Variants in ZNF92 observed in about 807,000 individuals in gnomAD.
ZNF92 encodes epididymis luminal protein 203.
A neutral mutation model predicts 12.4 loss-of-function variants in ZNF92; 11 were observed. The observed-to-expected ratio is 0.89, with a 90% CI of 0.56 to 1.47. The LOEUF is 1.47. Among genes scored for constraint, ZNF92 ranks in the 40% most tolerant of loss-of-function variants. ZNF92 has a pLI of 0.00. For missense variants in ZNF92, 622 were observed against 681.0 expected (o/e 0.91, Z 0.96); for synonymous variants, 206 against 228.6 (o/e 0.90, Z 0.89).
At chr7:65,396,717 G>GT (rs1353770418) in intron 3 of ZNF92, among the ~76,000 whole-genome samples, 1 of 151,964 alleles carries the variant, frequency 6.6e-6, no homozygotes, top group Non-Finnish European at 1.5e-5. Context: ...GTCTCACTAT[G>GT]TTGCTCAGGC....
intron 3 of ZNF92, among the ~76,000 whole-genome samples, chr7:65,391,544 C>A (rs567529620): frequency 6.6e-6 from 1 of 152,172 alleles, no homozygotes; most frequent in East Asian, 1.9e-4. Flanking sequence ...TTTTCACCCA[C>A]TTTTTAGCCT....
intron 3 of ZNF92, among the ~76,000 whole-genome samples, chr7:65,394,592 G>T (rs1304775404): frequency 6.6e-6 from 1 of 152,094 alleles, no homozygotes; most frequent in Non-Finnish European, 1.5e-5. Flanking sequence ...TTTTTATAGA[G>T]ATTATGTTGA....
intron 3 of ZNF92, 82 bp downstream of exon 3, chr7:65,388,983 G>C: frequency 2.4e-6 from 3 of 1,262,078 alleles, no homozygotes; most frequent in Non-Finnish European, 3.3e-6. Flanking sequence ...TTCTTAGTCG[G>C]AGTTTTGACC....
chr7:65,396,198 A>G (rs141938403), intron 3 of ZNF92, among the ~76,000 whole-genome samples: 150 of 152,146 alleles, frequency 9.9e-4, no homozygotes, highest in African/African-American at 3.4e-3. Flanking sequence ...ATTTCTTTTT[A>G]TTAACTAGTT....
At chr7:65,395,777 T>C (rs776020401) in intron 3 of ZNF92, among the ~76,000 whole-genome samples, 4 of 152,170 alleles carry the variant, frequency 2.6e-5, no homozygotes, top group African/African-American at 9.7e-5. Context: ...AGCATATATG[T>C]CTGATATAAT....
In ZNF92 at chr7:65,398,216, G is replaced by C. The variant is rs115936929; in HGVS notation, c.227-125G>C. 2,822 of 724,562 alleles carry C rather than the reference G, an allele frequency of 3.9e-3. 67 individuals carry two copies. The African/African-American group carries it at 0.041, about 11-fold the overall frequency. 44.9% of individuals were successfully genotyped at this position (724,562 alleles called of 1,614,324 possible). Reference sequence around the variant, plus strand: ...ACATTTATATTTCTGTAAGGAATTAGGGCTTGCATTTTGCTATGCCATCTT... The same window carrying C: ...ACATTTATATTTCTGTAAGGAATTACGGCTTGCATTTTGCTATGCCATCTT... On this transcript the variant is annotated intron_variant, in intron 3 of 3. Transcript: ENST00000328747.
intron 3 of ZNF92, among the ~76,000 whole-genome samples, chr7:65,390,515 T>C (rs957864436): frequency 1.3e-5 from 2 of 152,162 alleles, no homozygotes; most frequent in African/African-American, 4.8e-5. Context: ...CTGCTGGGTC[T>C]ACACTAGGGT....
At position 65,387,919 on chromosome 7, in the gene ZNF92, G is replaced by A. The variant is rs1195456792; in HGVS notation, c.21G>A (p.Arg7=). The change falls in exon 2 of 4, where the codon AGG becomes AGA. Residue 7 remains arginine (R), a synonymous_variant. Coordinates refer to ENST00000328747, the MANE Select transcript of ZNF92 (RefSeq NM_152626.4). MGPLTF[R]DVKIEFSLEE... ...TTTTTCAGGGACCACTGACATTTAG[G>A]GATGTGAAAATAGAATTCTCTCTAG... 4.4e-6 allele frequency: 7 copies of A among 1,605,986 alleles called. No individual in the cohort carries two copies. In the Admixed American group the frequency reaches 8.5e-5, roughly 20 times the overall value.
chr7:65,374,127 G>A (rs1793170769), intron 1 of ZNF92, 127 bp downstream of exon 1: 1 of 1,303,504 alleles, frequency 7.7e-7, no homozygotes. Flanking sequence ...AGTTCTCCTT[G>A]GCGCAGCTCG....
chr7:65,381,041 T>G (rs900482383), intron 1 of ZNF92, among the ~76,000 whole-genome samples: 2 of 151,894 alleles, frequency 1.3e-5, no homozygotes, highest in African/African-American at 4.8e-5. Context: ...GGAGATGGAG[T>G]CTCGCTCTGT....
intron 1 of ZNF92, among the ~76,000 whole-genome samples, chr7:65,375,075 A>G (rs1374679608): frequency 2.6e-5 from 4 of 152,118 alleles, no homozygotes; most frequent in Non-Finnish European, 5.9e-5. Context: ...CTGTTTGTAA[A>G]TATTTCCTAT....
At chr7:65,390,527 C>T (rs916399896) in intron 3 of ZNF92, among the ~76,000 whole-genome samples, 3 of 152,118 alleles carry the variant, frequency 2.0e-5, no homozygotes, top group African/African-American at 7.2e-5. Flanking sequence ...CACTAGGGTC[C>T]ACCTTTACTG....
At chr7:65,396,273 T>C (rs886961715) in intron 3 of ZNF92, among the ~76,000 whole-genome samples, 7 of 152,104 alleles carry the variant, frequency 4.6e-5, no homozygotes, top group Non-Finnish European at 8.8e-5. Context: ...TATTGTTTCT[T>C]GTGTTTTTTA....
At chr7:65,394,648 G>A (rs1269997287) in intron 3 of ZNF92, among the ~76,000 whole-genome samples, 1 of 151,972 alleles carries the variant, frequency 6.6e-6, no homozygotes, top group Non-Finnish European at 1.5e-5. Context: ...ACAAAATGAA[G>A]TTTTTTTGTT....
In ZNF92 at chr7:65,382,591, T is replaced by G. The variant is rs561838403; in HGVS notation, c.4-5311T>G. ...TCTAAATACTTCACAGAACAGCAAT[T>G]AACCATTTTACCTCTTTCAATGACT... On this transcript the variant is annotated intron_variant, in intron 1 of 3. Transcript: ENST00000328747. Among the ~76,000 whole-genome samples the G allele has an allele frequency of 1.3e-4, 20 of 152,204 alleles. No homozygotes were observed. In the East Asian group the frequency reaches 3.9e-3, roughly 29 times the overall value.
chr7:65,375,772 C>T lies in ZNF92; in HGVS notation c.3+1772C>T, dbSNP rs952091770. On this transcript the variant is annotated intron_variant, in intron 1 of 3. Coordinates refer to ENST00000328747, the MANE Select transcript of ZNF92 (RefSeq NM_152626.4). Reference sequence around the variant, plus strand: ...CTGAGGCAGGGGAATCGCTTGAACCCGGGAGAGGGAGATTGCAGTGAGCCA... The same window carrying T: ...CTGAGGCAGGGGAATCGCTTGAACCTGGGAGAGGGAGATTGCAGTGAGCCA... 2.0e-5 allele frequency among the ~76,000 whole-genome samples: 3 copies of T among 151,510 alleles called. No homozygotes were observed. In the South Asian group the frequency reaches 6.3e-4, roughly 32 times the overall value.
intron 3 of ZNF92, 116 bp downstream of exon 3, chr7:65,389,017 GGGT>G: frequency 1.2e-6 from 1 of 858,510 alleles, no homozygotes; most frequent in African/African-American, 1.8e-5. Flanking sequence ...TGGAGTGCAA[GGGT>G]GTGATCTTGG....
chr7:65,373,917 A>G lies in ZNF92; in HGVS notation c.-81A>G. ...ACTGCTCTGCGTCCTGTGCTGATAAAGGCTCGCCGCTGTGACCCTGTTACC... is the reference window on the plus strand; with the variant it reads ...ACTGCTCTGCGTCCTGTGCTGATAAGGGCTCGCCGCTGTGACCCTGTTACC... On this transcript the variant is annotated 5_prime_UTR_variant, in exon 1 of 4. Coordinates refer to ENST00000328747, the MANE Select transcript of ZNF92 (RefSeq NM_152626.4). The G allele has an allele frequency of 6.3e-7, 1 of 1,597,540 alleles. No homozygotes were observed. The highest frequency in any genetic ancestry group is 8.6e-7 in the Non-Finnish European group (1 of 1,165,132).
At chr7:65,394,381 GCTCTCTATT>G (rs1343574987) in intron 3 of ZNF92, among the ~76,000 whole-genome samples, 1 of 151,928 alleles carries the variant, frequency 6.6e-6, no homozygotes, top group Non-Finnish European at 1.5e-5. Flanking sequence ...TCATTTCTAG[GCTCTCTATT>G]CTGTTCTTTC....
Sources: allele counts gnomAD v4.1 joint callset (sites outside exome capture counted in the v4.1 genomes callset), GRCh38; gene constraint gnomAD v4.1.1; transcripts MANE v1.5; gene names NCBI Gene and HGNC (gene_info 2026-07-23, HGNC 2026-07-21).